Variants in SEC22C observed in about 807,000 individuals in gnomAD.
SEC22C encodes the protein vesicle-trafficking protein SEC22c.
In SEC22C, 29 loss-of-function variants were observed where a neutral mutation model predicts 34.7. The observed-to-expected ratio is 0.84, with a 90% confidence interval of 0.62 to 1.14. SEC22C has a LOEUF of 1.14. Among genes scored for constraint, SEC22C ranks in the 50% most tolerant of loss-of-function variants. SEC22C has a pLI of 0.00. For missense variants in SEC22C, 337 were observed against 369.0 expected, an observed-to-expected ratio of 0.91 and a Z score of 0.71; for synonymous variants, 117 against 132.8, an observed-to-expected ratio of 0.88 and a Z score of 0.82.
rs1702285439 is a variant in SEC22C at position 42,552,153 on chromosome 3, G to A, written c.*1095C>T. ...GAAAGAGAGTAACTTTCCAGAGTAT[G>A]TGTTAATTATATCTCTATCAAGCTT... On this transcript the variant is annotated 3_prime_UTR_variant, in exon 7 of 7. Transcript: ENST00000264454. The A allele has an allele frequency of 5.1e-6, 5 of 985,204 alleles. No homozygotes were observed. The highest frequency in any genetic ancestry group is 6.0e-6 in the Non-Finnish European group (5 of 829,724). 61.0% of individuals were successfully genotyped at this position (985,204 alleles called of 1,614,324 possible). A position where few individuals can be genotyped will look rare whatever the true frequency, so the allele number is the denominator to read the frequency against.
At chr3:42,569,418 G>A (rs1343220214) in intron 1 of SEC22C, among the ~76,000 whole-genome samples, 2 of 152,180 alleles carry the variant, frequency 1.3e-5, no homozygotes, top group Non-Finnish European at 2.9e-5. Context: ...GCAGGTAGCA[G>A]GACACAGAGC....
intron 1 of SEC22C, among the ~76,000 whole-genome samples, chr3:42,593,109 T>C (rs1704909980): frequency 1.3e-5 from 2 of 152,132 alleles, no homozygotes; most frequent in South Asian, 4.1e-4. Flanking sequence ...CTAGAGATTA[T>C]TTAAACTGTG....
chr3:42,591,272 C>A (rs1303617672), intron 1 of SEC22C: 1 of 565,110 alleles, frequency 1.8e-6, no homozygotes, highest in Non-Finnish European at 3.1e-6. Flanking sequence ...CATCTTGGCT[C>A]ACTGAAACCA....
Position 42,550,414 on chromosome 3 carries a change from T to C in SEC22C, c.*2834A>G. 1.0e-6 allele frequency: 1 copy of C among 985,432 alleles called. No individual in the cohort carries two copies. Among genetic ancestry groups the C allele is most frequent in the Non-Finnish European group, 1.2e-6 (1 of 829,936 alleles). The allele number at this position is 985,432 out of a possible 1,614,324, so 61.0% of individuals were successfully genotyped here. On this transcript the variant is annotated 3_prime_UTR_variant, in exon 7 of 7. Coordinates refer to ENST00000264454, the MANE Select transcript of SEC22C (RefSeq NM_032970.4). Reference sequence around the variant, plus strand: ...GTATCAAGGATCACACAAGAGGCTATAAACCTCCAACCCTGAACCAAGTCA... The same window carrying C: ...GTATCAAGGATCACACAAGAGGCTACAAACCTCCAACCCTGAACCAAGTCA...
At chr3:42,591,350 C>T (rs939854538) in intron 1 of SEC22C, 2 of 604,772 alleles carry the variant, frequency 3.3e-6, no homozygotes, top group African/African-American at 3.7e-5. Context: ...AGGAGCGCGA[C>T]GCCACTCCCG....
chr3:42,563,141 C>T (rs1452503943), intron 3 of SEC22C, among the ~76,000 whole-genome samples: 3 of 152,202 alleles, frequency 2.0e-5, no homozygotes, highest in Admixed American at 6.5e-5. Context: ...ACTCTGCTGT[C>T]GTGGGGCAAA....
intron 1 of SEC22C, chr3:42,590,891 C>A (rs371799069): frequency 1.9e-6 from 3 of 1,591,312 alleles, no homozygotes; most frequent in South Asian, 1.1e-5. Flanking sequence ...TCCGGAGGTT[C>A]CTCGGGATGT....
At chr3:42,590,926 T>C in intron 1 of SEC22C, 1 of 1,359,460 alleles carries the variant, frequency 7.4e-7, no homozygotes, top group South Asian at 1.1e-5. Context: ...CCGGACTGGC[T>C]GAGGGGCAAG....
chr3:42,553,356 C>A lies in SEC22C; in HGVS notation c.804G>T (p.Gly268=). 5.0e-6 allele frequency: 8 copies of A among 1,614,150 alleles called. No individual in the cohort carries two copies. The highest frequency in any genetic ancestry group is 1.1e-5 in the South Asian group (1 of 91,080). ...AAAGGATTTGCCAGAGGTTCCTCAGCCCGTGCAGGTACATGTTGCCCAGGC... is the reference window on the plus strand; with the variant it reads ...AAAGGATTTGCCAGAGGTTCCTCAGACCGTGCAGGTACATGTTGCCCAGGC... ...FICLGNMYLH[G]LRNLWQILFH... Residue 268 remains glycine (G), a synonymous_variant, in exon 7 of 7, where the codon GGG becomes GGT. Transcript: ENST00000264454.
At chr3:42,585,917 C>T (rs563822345), upstream of SEC22C, among the ~76,000 whole-genome samples, 10 of 152,190 alleles carry the variant, frequency 6.6e-5, no homozygotes, top group East Asian at 1.7e-3. Context: ...ATCCTGCATG[C>T]TCCCCAGATC....
chr3:42,563,878 T>C (rs1453761820), intron 2 of SEC22C, 192 bp from the exon 3 acceptor site: 2 of 1,476,760 alleles, frequency 1.4e-6, no homozygotes. Flanking sequence ...TCCTTTAAAA[T>C]GTCTAGTAGT....
chr3:42,548,890 A>C lies in SEC22C; in HGVS notation c.*4358T>G. The C allele has an allele frequency of 7.3e-7, 1 of 1,362,030 alleles. No individual in the cohort carries two copies. The highest frequency in any genetic ancestry group is 9.5e-7 in the Non-Finnish European group (1 of 1,056,242). The allele number at this position is 1,362,030 out of a possible 1,614,324, so 84.4% of individuals were successfully genotyped here. On this transcript the variant is annotated 3_prime_UTR_variant, in exon 7 of 7. Transcript: ENST00000264454. ...GAATGTAAAGCCTTTCTCCTCCCACACACAATGGACTCACCCAGTATTACC... is the reference window on the plus strand; with the variant it reads ...GAATGTAAAGCCTTTCTCCTCCCACCCACAATGGACTCACCCAGTATTACC...
In SEC22C at chr3:42,568,895, C is replaced by A; in HGVS notation, c.152G>T (p.Gly51Val). ...ACTAAAGTCACAACCTTCTGCAGAA[C>A]CTCGACCTGGATACTGGGCCAGTCG... ...ALRLAQYPGR[G>V]SAEGCDFSIH... The change falls in exon 2 of 7, where the codon GGT (glycine) becomes GTT (valine). Residue 51 changes from glycine (G) to valine (V), a missense_variant. Coordinates refer to ENST00000264454, the MANE Select transcript of SEC22C (RefSeq NM_032970.4). 6.2e-7 allele frequency: 1 copy of A among 1,614,168 alleles called. No individual in the cohort carries two copies. The highest frequency in any genetic ancestry group is 8.5e-7 in the Non-Finnish European group (1 of 1,180,022).
At position 42,552,343 on chromosome 3, in the gene SEC22C, C is replaced by G; in HGVS notation, c.*905G>C. Reference sequence around the variant, plus strand: ...TCATTAAAACAACAGGCACTCAGCTCTACTGAAAAGGCTGATGACAGCAGC... The same window carrying G: ...TCATTAAAACAACAGGCACTCAGCTGTACTGAAAAGGCTGATGACAGCAGC... On this transcript the variant is annotated 3_prime_UTR_variant, in exon 7 of 7. Coordinates refer to ENST00000264454, the MANE Select transcript of SEC22C (RefSeq NM_032970.4). The G allele has an allele frequency of 2.0e-6, 2 of 985,362 alleles. No homozygotes were observed. The highest frequency in any genetic ancestry group is 1.2e-6 in the Non-Finnish European group (1 of 829,894). 61.0% of individuals were successfully genotyped at this position (985,362 alleles called of 1,614,324 possible).
At chr3:42,560,472 G>C (rs1035820993) in intron 4 of SEC22C, among the ~76,000 whole-genome samples, 1 of 149,608 alleles carries the variant, frequency 6.7e-6, no homozygotes, top group Admixed American at 6.7e-5. Flanking sequence ...CCAGGAGTTC[G>C]AGACCAGCCT....
In SEC22C at chr3:42,550,921, T is replaced by C. The variant is rs1041987621; in HGVS notation, c.*2327A>G. 2 of 920,692 alleles carry C rather than the reference T, an allele frequency of 2.2e-6. No homozygotes were observed. Among genetic ancestry groups the C allele is most frequent in the African/African-American group, 3.7e-5 (2 of 54,074 alleles). The allele number at this position is 920,692 out of a possible 1,614,324, so 57.0% of individuals were successfully genotyped here. A position where few individuals can be genotyped will look rare whatever the true frequency, so the allele number is the denominator to read the frequency against. ...GTCTTGCTTTGTCACCAGGCTGGAGTGCAGTGGCTCGATCTCGGCTCACTG... is the reference window on the plus strand; with the variant it reads ...GTCTTGCTTTGTCACCAGGCTGGAGCGCAGTGGCTCGATCTCGGCTCACTG... On this transcript the variant is annotated 3_prime_UTR_variant, in exon 7 of 7. Transcript: ENST00000264454.
At chr3:42,590,875 C>A in intron 1 of SEC22C, 1 of 1,599,408 alleles carries the variant, frequency 6.3e-7, no homozygotes, top group Non-Finnish European at 8.5e-7. Flanking sequence ...GCTTGGCGGT[C>A]GTGGTTCCGG....
Position 42,588,429 on chromosome 3 carries a change from C to T in SEC22C, c.-28+12531G>A, listed in dbSNP as rs150565758. On this transcript the variant is annotated intron_variant, in intron 1 of 6. Coordinates refer to the SEC22C transcript ENST00000417572. ...CAAAAAACAACAACAACAAAAAAACCCCTTCACTTTATTCCTCAAAACATG... is the reference window on the plus strand; with the variant it reads ...CAAAAAACAACAACAACAAAAAAACTCCTTCACTTTATTCCTCAAAACATG... Among the ~76,000 whole-genome samples, 304 of 152,106 alleles carry T rather than the reference C, an allele frequency of 2.0e-3. 1 individual carries two copies. Among genetic ancestry groups the T allele is most frequent in the African/African-American group, 7.0e-3 (289 of 41,496 alleles).
Position 42,568,851 on chromosome 3 carries a change from A to G in SEC22C, c.182+14T>C. 1.2e-6 allele frequency: 2 copies of G among 1,610,290 alleles called. No homozygotes were observed. The highest frequency in any genetic ancestry group is 8.5e-7 in the Non-Finnish European group (1 of 1,176,868). ...TTTTGCTAATATTCTGAAAAAGTGA[A>G]TATGATCACTTACTGTATACTAAAG... is the stretch of plus-strand genomic sequence containing the variant. On this transcript the variant is annotated intron_variant, in intron 2 of 6. Transcript: ENST00000264454.
Sources: allele counts gnomAD v4.1 joint callset (sites outside exome capture counted in the v4.1 genomes callset), GRCh38; gene constraint gnomAD v4.1.1; transcripts MANE v1.5; gene names NCBI Gene and HGNC (gene_info 2026-07-23, HGNC 2026-07-21).